The following CEP112 variants were observed in gnomAD, a reference collection of about 807,000 sequenced individuals.
The protein encoded by CEP112 is centrosomal protein of 112 kDa.
CEP112 carries 127 observed loss-of-function variants against 153.0 expected under a neutral mutation model. That is an observed-to-expected ratio of 0.83 (90% CI 0.72 to 0.96). CEP112 has a LOEUF of 0.96. Ranked by LOEUF, CEP112 falls within the 40% of genes least tolerant of loss-of-function variation. CEP112 has a pLI of 0.00. For missense variants in CEP112, 1,089 were observed against 1,101.2 expected (o/e 0.99, Z 0.16); for synonymous variants, 358 against 374.4 (o/e 0.96, Z 0.51).
intron 21 of CEP112, among the ~76,000 whole-genome samples, chr17:65,794,273 T>C (rs976219709): frequency 3.3e-5 from 5 of 152,214 alleles, no homozygotes; most frequent in South Asian, 2.1e-4. Flanking sequence ...TCGCAAACCA[T>C]AGAAAAAGGA....
chr17:65,905,884 G>A (rs568267837), intron 19 of CEP112, among the ~76,000 whole-genome samples: 10 of 152,160 alleles, frequency 6.6e-5, no homozygotes, highest in Admixed American at 6.5e-4. Context: ...GGCGGAGCTT[G>A]CAGTGAGCCA....
At chr17:65,934,763 C>T (rs2061247002) in intron 18 of CEP112, among the ~76,000 whole-genome samples, 1 of 152,134 alleles carries the variant, frequency 6.6e-6, no homozygotes, top group Admixed American at 6.5e-5. Flanking sequence ...AAATAGAGTA[C>T]ATTAGTCCAT....
chr17:65,940,369 C>G (rs1240802517), intron 18 of CEP112, among the ~76,000 whole-genome samples: 1 of 151,890 alleles, frequency 6.6e-6, no homozygotes, highest in African/African-American at 2.4e-5. Context: ...TTTTTTCATC[C>G]AGCAGTCCCA....
chr17:65,970,466 A>T (rs893120721), intron 17 of CEP112, among the ~76,000 whole-genome samples: 1 of 58,732 alleles, frequency 1.7e-5, no homozygotes, highest in Non-Finnish European at 4.0e-5. Flanking sequence ...GCATGCACAC[A>T]TGCATGTATA....
At chr17:65,992,605 G>T (rs897952056) in intron 17 of CEP112, among the ~76,000 whole-genome samples, 1 of 152,132 alleles carries the variant, frequency 6.6e-6, no homozygotes, top group Non-Finnish European at 1.5e-5. Flanking sequence ...ATTAGGTACA[G>T]AAATCTTTAT....
chr17:66,091,238 C>T (rs1274368042), intron 8 of CEP112, among the ~76,000 whole-genome samples: 1 of 152,088 alleles, frequency 6.6e-6, no homozygotes, highest in Non-Finnish European at 1.5e-5. Flanking sequence ...CCACAGAATA[C>T]ACATTCTTCT....
intron 23 of CEP112, among the ~76,000 whole-genome samples, chr17:65,712,264 T>C (rs1467155741): frequency 6.6e-6 from 1 of 152,208 alleles, no homozygotes; most frequent in Non-Finnish European, 1.5e-5. Flanking sequence ...ATGAAATTAA[T>C]GGTCTGGCCG....
intron 25 of CEP112, among the ~76,000 whole-genome samples, chr17:65,637,730 A>G (rs2044853899): frequency 6.6e-6 from 1 of 152,128 alleles, no homozygotes; most frequent in African/African-American, 2.4e-5. Flanking sequence ...ATTTGTTTTC[A>G]TATCTCTTCC....
intron 17 of CEP112, among the ~76,000 whole-genome samples, chr17:65,978,571 A>G (rs924816412): frequency 3.9e-5 from 6 of 152,260 alleles, no homozygotes; most frequent in African/African-American, 1.4e-4. Flanking sequence ...TAAATATATT[A>G]AAACCATTTT....
chr17:65,689,033 G>T, intron 24 of CEP112, 96 bp downstream of exon 24: 1 of 845,716 alleles, frequency 1.2e-6, no homozygotes, highest in Non-Finnish European at 2.0e-6. Context: ...CTCCCAAAGT[G>T]CTGAGATTAC....
intron 4 of CEP112, among the ~76,000 whole-genome samples, chr17:66,168,922 C>A (rs567267531): frequency 6.6e-6 from 1 of 152,306 alleles, no homozygotes; most frequent in South Asian, 2.1e-4. Flanking sequence ...CCTTGTGCTT[C>A]TCCACATGGC....
intron 12 of CEP112, among the ~76,000 whole-genome samples, chr17:66,038,114 AG>A (rs532474821): frequency 3.8e-5 from 5 of 130,912 alleles, no homozygotes; most frequent in Non-Finnish European, 6.7e-5. Flanking sequence ...AAAAAAAAAA[AG>A]AAAAGAAAAG....
intron 16 of CEP112, among the ~76,000 whole-genome samples, chr17:66,010,496 T>C (rs1189250361): frequency 2.0e-5 from 3 of 152,194 alleles, no homozygotes; most frequent in Non-Finnish European, 4.4e-5. Context: ...CACTACTATG[T>C]TAAATAGGAG....
At chr17:65,995,599 C>T (rs891783866) in intron 17 of CEP112, among the ~76,000 whole-genome samples, 5 of 152,284 alleles carry the variant, frequency 3.3e-5, no homozygotes, top group Middle Eastern at 6.8e-3. Context: ...ATTCAGTCCT[C>T]GGAGCATTCT....
Position 65,644,517 on chromosome 17 carries a change from C to T in CEP112, c.2698-3452G>A, listed in dbSNP as rs75235234. The T allele has an allele frequency of 7.4e-3, 2,181 of 296,524 alleles. 61 individuals are homozygous for T. Among genetic ancestry groups the T allele is most frequent in the African/African-American group, 0.045 (2,037 of 45,584 alleles). 18.4% of individuals were successfully genotyped at this position (296,524 alleles called of 1,614,324 possible). A position where few individuals can be genotyped will look rare whatever the true frequency, so the allele number is the denominator to read the frequency against. ...CTCATACAGGTTAATTTGGACAAAG[C>T]ACAGCAGAACAATATGGAACACAAG... On this transcript the variant is annotated intron_variant, in intron 24 of 26. Transcript: ENST00000535342.
intron 6 of CEP112, among the ~76,000 whole-genome samples, chr17:66,099,306 C>A (rs2068466888): frequency 6.6e-6 from 1 of 152,062 alleles, no homozygotes. Context: ...GAGTTCAAGA[C>A]CAGCCTGGCC....
intron 24 of CEP112, among the ~76,000 whole-genome samples, chr17:65,686,487 TAA>T (rs2047798856): frequency 6.6e-6 from 1 of 152,250 alleles, no homozygotes; most frequent in East Asian, 1.9e-4. Flanking sequence ...AGTTTTACCT[TAA>T]GTCATATTTT....
chr17:66,027,534 C>A lies in CEP112; in HGVS notation c.1623G>T (p.Glu541Asp). 7.6e-7 allele frequency: 1 copy of A among 1,310,570 alleles called. No homozygotes were observed. The highest frequency in any genetic ancestry group is 1.5e-5 in the African/African-American group (1 of 65,332). The allele number at this position is 1,310,570 out of a possible 1,614,324, so 81.2% of individuals were successfully genotyped here. Residue 541 changes from glutamate to aspartate, a missense_variant, in exon 16 of 27, where the codon GAG becomes GAT. Transcript: ENST00000535342. ...CATAGATGTGTTTTAAATGACTTTT[C>A]TCCATCTGAAACTTATTTTCTTGAT... is the stretch of plus-strand genomic sequence containing the variant. The part of the protein sequence containing the change: ...LRDQENKFQM[E>D]KSHLKHIYEK...
intron 21 of CEP112, among the ~76,000 whole-genome samples, chr17:65,851,325 A>G (rs77074989): frequency 0.032 from 4,808 of 152,284 alleles, 108 homozygotes; most frequent in Non-Finnish European, 0.045. Context: ...ATATACTTCT[A>G]AAAAGACTTT....
Sources: gnomAD v4.1 joint callset for allele counts (sites outside exome capture counted in the v4.1 genomes callset) on GRCh38, gnomAD v4.1.1 for gene constraint, MANE v1.5 for transcripts, NCBI Gene and HGNC (gene_info 2026-07-23, HGNC 2026-07-21) for gene names.